THSD7B: variants seen among roughly 807,000 people sequenced by gnomAD.
The protein encoded by THSD7B is thrombospondin type-1 domain-containing protein 7B.
Under a neutral mutation model 213.6 loss-of-function variants are expected in THSD7B, and 138 were observed. The ratio of observed to expected loss-of-function variants is 0.65; its 90% CI spans 0.56 to 0.74. The LOEUF is 0.74. Ranked by LOEUF, THSD7B falls within the 30% of genes least tolerant of loss-of-function variation. THSD7B has a pLI of 0.00. For missense variants in THSD7B, 1,931 were observed against 1,991.5 expected, an observed-to-expected ratio of 0.97 and a Z score of 0.58; for synonymous variants, 742 against 687.0, an observed-to-expected ratio of 1.08 and a Z score of -1.25.
intron 1 of THSD7B, among the ~76,000 whole-genome samples, chr2:136,850,669 G>C (rs2104963135): frequency 6.6e-6 from 1 of 151,148 alleles, no homozygotes; most frequent in East Asian, 1.9e-4. Context: ...TTTTCCATTT[G>C]TTGCTTGGCA....
intron 2 of THSD7B, among the ~76,000 whole-genome samples, chr2:136,895,514 C>CTTTTTTT (rs71301798): frequency 4.1e-5 from 3 of 73,908 alleles, no homozygotes; most frequent in African/African-American, 4.9e-5. Flanking sequence ...CAAGTGGAGA[C>CTTTTTTT]TTTTTTTTTT....
intron 15 of THSD7B, among the ~76,000 whole-genome samples, chr2:137,555,320 G>A (rs1025440449): frequency 5.3e-5 from 8 of 152,140 alleles, no homozygotes; most frequent in Non-Finnish European, 7.3e-5. Flanking sequence ...CACCTCATAC[G>A]GCCAGGTACC....
At chr2:137,022,921 A>G (rs1333068921) in intron 2 of THSD7B, among the ~76,000 whole-genome samples, 1 of 152,204 alleles carries the variant, frequency 6.6e-6, no homozygotes, top group Non-Finnish European at 1.5e-5. Context: ...ATGAATAAGC[A>G]TGGCTGTGTT....
At chr2:137,223,576 G>A (rs974585886) in intron 7 of THSD7B, among the ~76,000 whole-genome samples, 1 of 152,046 alleles carries the variant, frequency 6.6e-6, no homozygotes, top group African/African-American at 2.4e-5. Flanking sequence ...TCAACAAGTT[G>A]GCGTTATTTT....
At position 137,299,428 on chromosome 2, in the gene THSD7B, C is replaced by T. The variant is rs149269905; in HGVS notation, c.2500+23402C>T. On this transcript the variant is annotated intron_variant, in intron 12 of 27. Transcript: ENST00000409968. ...TGCTGAAATGAGTTAAGACTTTGGG[C>T]GACTGCTGGGAAGGCATGATTGGTT... is the stretch of plus-strand genomic sequence containing the variant. 4.2e-3 allele frequency among the ~76,000 whole-genome samples: 640 copies of T among 152,064 alleles called. 5 individuals carry two copies. Among genetic ancestry groups the T allele is most frequent in the African/African-American group, 0.014 (601 of 41,492 alleles).
chr2:136,947,631 C>T (rs1298444004), intron 2 of THSD7B, among the ~76,000 whole-genome samples: 1 of 152,128 alleles, frequency 6.6e-6, no homozygotes, highest in Non-Finnish European at 1.5e-5. Flanking sequence ...TGGTCACGTC[C>T]CTGCAAAAAA....
chr2:137,613,438 A>G (rs1682323933), intron 17 of THSD7B, among the ~76,000 whole-genome samples: 1 of 152,190 alleles, frequency 6.6e-6, no homozygotes, highest in South Asian at 2.1e-4. Flanking sequence ...TCTAGAGATA[A>G]CAAAATACGT....
chr2:137,464,858 G>A (rs764605491), intron 15 of THSD7B, among the ~76,000 whole-genome samples: 5 of 151,930 alleles, frequency 3.3e-5, no homozygotes, highest in Non-Finnish European at 7.4e-5. Flanking sequence ...CTTTATGATA[G>A]CCCAGTGGTC....
chr2:137,130,644 T>C (rs1171859399), intron 5 of THSD7B, among the ~76,000 whole-genome samples: 1 of 151,070 alleles, frequency 6.6e-6, no homozygotes, highest in Non-Finnish European at 1.5e-5. Context: ...TTTTTTGTCC[T>C]TGAGATAGTT....
At chr2:136,928,660 T>C (rs1182692176) in intron 2 of THSD7B, among the ~76,000 whole-genome samples, 1 of 152,214 alleles carries the variant, frequency 6.6e-6, no homozygotes. Context: ...TAAATACCCA[T>C]AATTCATAAT....
intron 15 of THSD7B, among the ~76,000 whole-genome samples, chr2:137,489,476 T>C (rs1170579853): frequency 1.3e-5 from 2 of 151,466 alleles, no homozygotes; most frequent in Non-Finnish European, 2.9e-5. Flanking sequence ...TCATAACAAG[T>C]AGAATCGAGT....
intron 1 of THSD7B, among the ~76,000 whole-genome samples, chr2:136,828,722 A>C (rs1682700574): frequency 6.6e-6 from 1 of 152,200 alleles, no homozygotes. Flanking sequence ...CTCAGACTGC[A>C]ATATTCTTGC....
intron 1 of THSD7B, among the ~76,000 whole-genome samples, chr2:136,769,684 T>C (rs1681470661): frequency 6.6e-6 from 1 of 152,214 alleles, no homozygotes. Flanking sequence ...TAGGTATTTT[T>C]GCAATTTATG....
At chr2:137,129,308 A>G (rs182698769) in intron 5 of THSD7B, among the ~76,000 whole-genome samples, 1 of 152,284 alleles carries the variant, frequency 6.6e-6, no homozygotes, top group East Asian at 1.9e-4. Flanking sequence ...GTAGAGGGGT[A>G]AACTCTGTAC....
rs1339628494 is a variant in THSD7B, at chr2:137,166,193, G to GC, written c.1526-4547dup. Among the ~76,000 whole-genome samples the GC allele has an allele frequency of 4.6e-5, 7 of 152,172 alleles. No individual in the cohort carries two copies. The South Asian group carries it at 1.2e-3, about 27-fold the overall frequency. On this transcript the variant is annotated intron_variant, in intron 6 of 27. Coordinates refer to ENST00000409968, the MANE Select transcript of THSD7B (RefSeq NM_001316349.2). ...CAGGCAGACAAGGGAACCATGATCG[G>GC]CAGGTTGGTGCTTGTCAAGTAAAGC...
chr2:137,258,119 A>T (rs1295394446), intron 10 of THSD7B, among the ~76,000 whole-genome samples: 1 of 152,192 alleles, frequency 6.6e-6, no homozygotes, highest in East Asian at 1.9e-4. Flanking sequence ...ATGTAGTAAA[A>T]TTATCCCCAT....
At chr2:136,880,911 A>G (rs1429366367) in intron 1 of THSD7B, among the ~76,000 whole-genome samples, 1 of 152,142 alleles carries the variant, frequency 6.6e-6, no homozygotes, top group Non-Finnish European at 1.5e-5. Context: ...TTACAGCATG[A>G]AGCCCAAATC....
chr2:137,286,413 C>G lies in THSD7B; in HGVS notation c.2500+10387C>G, dbSNP rs560217310. 2.0e-5 allele frequency among the ~76,000 whole-genome samples: 3 copies of G among 152,240 alleles called. No homozygotes were observed. The South Asian group carries it at 6.3e-4, about 32-fold the overall frequency. The stretch of plus-strand genomic sequence containing the variant: ...CATTATAGTCTATCAAATGTCAAGA[C>G]AGCCAATCAGCACGTTGTGTTCTTC... On this transcript the variant is annotated intron_variant, in intron 12 of 27. Transcript: ENST00000409968.
intron 12 of THSD7B, among the ~76,000 whole-genome samples, chr2:137,315,347 T>C (rs1179730628): frequency 6.6e-6 from 1 of 152,172 alleles, no homozygotes; most frequent in African/African-American, 2.4e-5. Context: ...AGTGAGGCAA[T>C]GCCTCGCCCT....
Sources: allele counts gnomAD v4.1 joint callset (sites outside exome capture counted in the v4.1 genomes callset), GRCh38; gene constraint gnomAD v4.1.1; transcripts MANE v1.5; gene names NCBI Gene and HGNC (gene_info 2026-07-23, HGNC 2026-07-21).